The following MECOM variants were observed in gnomAD, a reference collection of about 807,000 sequenced individuals.
MECOM encodes histone-lysine N-methyltransferase MECOM.
Under a neutral mutation model 116.3 loss-of-function variants are expected in MECOM, and 13 were observed. The observed-to-expected ratio is 0.11, with a 90% confidence interval of 0.07 to 0.18. MECOM has a LOEUF of 0.18. MECOM is among the 10% of genes least tolerant of loss of function. MECOM has a pLI of 1.00. For missense variants in MECOM, 1,299 were observed against 1,509.0 expected, an observed-to-expected ratio of 0.86 and a Z score of 2.31; for synonymous variants, 528 against 535.2, an observed-to-expected ratio of 0.99 and a Z score of 0.19.
chr3:169,233,406 C>T (rs1753659273), intron 2 of MECOM, among the ~76,000 whole-genome samples: 3 of 152,010 alleles, frequency 2.0e-5, no homozygotes, highest in Non-Finnish European at 4.4e-5. Context: ...GGGTGAAAGA[C>T]GTTTGGCACA....
intron 2 of MECOM, among the ~76,000 whole-genome samples, chr3:169,203,657 C>T (rs1455089270): frequency 6.6e-6 from 1 of 151,912 alleles, no homozygotes; most frequent in Non-Finnish European, 1.5e-5. Context: ...ATAGGACAAG[C>T]CTATTTAAAT....
At chr3:169,568,101 C>T (rs1221130405) in intron 1 of MECOM, among the ~76,000 whole-genome samples, 2 of 152,152 alleles carry the variant, frequency 1.3e-5, no homozygotes, top group Non-Finnish European at 2.9e-5. Flanking sequence ...GTCACCTCAC[C>T]CAGGAAATGC....
chr3:169,660,698 C>T (rs1398529056), intron 1 of MECOM, among the ~76,000 whole-genome samples: 1 of 152,154 alleles, frequency 6.6e-6, no homozygotes, highest in Non-Finnish European at 1.5e-5. Context: ...AAAACTGGTG[C>T]AGAGCAGTGA....
At chr3:169,224,858 G>A (rs1344921304) in intron 2 of MECOM, among the ~76,000 whole-genome samples, 2 of 152,154 alleles carry the variant, frequency 1.3e-5, no homozygotes, top group Admixed American at 6.5e-5. Context: ...CTGTTGAGTC[G>A]AGCATAAACG....
At chr3:169,184,650 T>C (rs918570024) in intron 2 of MECOM, among the ~76,000 whole-genome samples, 1 of 152,162 alleles carries the variant, frequency 6.6e-6, no homozygotes, top group Admixed American at 6.5e-5. Flanking sequence ...CCAGTGCTAC[T>C]CTTTAAGGCG....
intron 1 of MECOM, among the ~76,000 whole-genome samples, chr3:169,603,931 G>A (rs1023904008): frequency 1.3e-5 from 2 of 152,188 alleles, no homozygotes; most frequent in African/African-American, 4.8e-5. Context: ...CAGACTGACA[G>A]AGACTCTGTA....
chr3:169,586,086 C>T (rs2109587495), intron 1 of MECOM, among the ~76,000 whole-genome samples: 1 of 152,266 alleles, frequency 6.6e-6, no homozygotes, highest in Admixed American at 6.5e-5. Flanking sequence ...AACTCAATTT[C>T]TATTTTTTAT....
intron 3 of MECOM, among the ~76,000 whole-genome samples, chr3:169,140,720 A>C (rs980852515): frequency 5.0e-5 from 5 of 100,044 alleles, no homozygotes; most frequent in Non-Finnish European, 1.1e-4. Context: ...ACTCACAGAA[A>C]TCTACTGGAA....
At chr3:169,355,500 A>G (rs1044354501) in intron 2 of MECOM, among the ~76,000 whole-genome samples, 2 of 151,942 alleles carry the variant, frequency 1.3e-5, no homozygotes, top group Non-Finnish European at 1.5e-5. Flanking sequence ...AGACAACAGA[A>G]GCACTTTGAC....
intron 2 of MECOM, among the ~76,000 whole-genome samples, chr3:169,221,903 A>T (rs1353439853): frequency 6.6e-6 from 1 of 152,052 alleles, no homozygotes; most frequent in African/African-American, 2.4e-5. Context: ...TGGCCTTTCC[A>T]CTATGGCACC....
At chr3:169,293,370 C>T (rs1714980879) in intron 2 of MECOM, among the ~76,000 whole-genome samples, 2 of 152,230 alleles carry the variant, frequency 1.3e-5, no homozygotes, top group Admixed American at 1.3e-4. Flanking sequence ...GACCTCACTG[C>T]TCCTCTCTCA....
At chr3:169,299,862 T>G (rs746604660) in intron 2 of MECOM, among the ~76,000 whole-genome samples, 2 of 152,240 alleles carry the variant, frequency 1.3e-5, no homozygotes, top group Non-Finnish European at 2.9e-5. Context: ...TTGCATAATT[T>G]TTTTTACAAA....
intron 1 of MECOM, among the ~76,000 whole-genome samples, chr3:169,548,979 T>C (rs907639628): frequency 1.1e-4 from 17 of 150,404 alleles, no homozygotes; most frequent in African/African-American, 4.2e-4. Flanking sequence ...CTCTTTTTTT[T>C]TTTTTTTTTT....
At chr3:169,354,756 G>A (rs1331512442) in intron 2 of MECOM, among the ~76,000 whole-genome samples, 1 of 151,804 alleles carries the variant, frequency 6.6e-6, no homozygotes, top group Non-Finnish European at 1.5e-5. Context: ...AGCTGTATAT[G>A]TTTGCATGGG....
intron 2 of MECOM, among the ~76,000 whole-genome samples, chr3:169,149,099 A>ATT (rs1220252600): frequency 9.5e-6 from 1 of 105,790 alleles, no homozygotes; most frequent in Non-Finnish European, 1.9e-5. Flanking sequence ...TTTTTTTTTA[A>ATT]TTTAGCCATA....
intron 1 of MECOM, among the ~76,000 whole-genome samples, chr3:169,592,748 C>T (rs1766580409): frequency 6.6e-6 from 1 of 152,164 alleles, no homozygotes; most frequent in African/African-American, 2.4e-5. Flanking sequence ...GCCATGCCCT[C>T]CATCTCAATT....
At position 169,122,658 on chromosome 3, in the gene MECOM, A is replaced by C; in HGVS notation, c.900T>G (p.Phe300Leu). 6.2e-7 allele frequency: 1 copy of C among 1,614,092 alleles called. No homozygotes were observed. The highest frequency in any genetic ancestry group is 1.1e-5 in the South Asian group (1 of 91,080). Residue 300 changes from phenylalanine (F) to leucine (L), a missense_variant, in exon 6 of 17, where the codon TTT becomes TTG. Physicochemically the swap from Phe to Leu is conservative, Grantham distance 22. Coordinates refer to ENST00000651503, the MANE Select transcript of MECOM (RefSeq NM_004991.4). Reference sequence around the variant, plus strand: ...GGCGAATTAAATTGGACTTCCAGTTAAATGCCTTGGGACACTGATCACACT... The same window carrying C: ...GGCGAATTAAATTGGACTTCCAGTTCAATGCCTTGGGACACTGATCACACT... ...EYKCDQCPKAFNWKSNLIRHQ... is the reference protein window; with the variant it reads ...EYKCDQCPKALNWKSNLIRHQ...
chr3:169,222,987 A>T (rs1752302473), intron 2 of MECOM, among the ~76,000 whole-genome samples: 1 of 152,156 alleles, frequency 6.6e-6, no homozygotes, highest in Non-Finnish European at 1.5e-5. Context: ...ATACTAAGGG[A>T]TCACAGAAGA....
At chr3:169,657,318 C>T (rs1775655663) in intron 1 of MECOM, among the ~76,000 whole-genome samples, 1 of 152,214 alleles carries the variant, frequency 6.6e-6, no homozygotes, top group African/African-American at 2.4e-5. Flanking sequence ...CCTACACAGC[C>T]ACACGTGAGA....
Sources: gnomAD v4.1 joint callset for allele counts (sites outside exome capture counted in the v4.1 genomes callset) on GRCh38, gnomAD v4.1.1 for gene constraint, MANE v1.5 for transcripts, NCBI Gene and HGNC (gene_info 2026-07-23, HGNC 2026-07-21) for gene names.